ZC2HC1A: variants seen among roughly 807,000 people sequenced by gnomAD.
ZC2HC1A encodes the protein zinc finger C2HC-type containing 1A.
Under a neutral mutation model 40.7 loss-of-function variants are expected in ZC2HC1A, and 28 were observed. That is an observed-to-expected ratio of 0.69 (90% CI 0.51 to 0.94). The LOEUF (loss-of-function observed/expected upper bound fraction) is 0.94. Among genes scored for constraint, ZC2HC1A ranks in the 40% least tolerant of loss-of-function variants. ZC2HC1A has a pLI of 0.00. For synonymous variants in ZC2HC1A, 129 were observed against 129.2 expected, an observed-to-expected ratio of 1.00 and a Z score of 0.01; for missense variants, 389 against 386.3, an observed-to-expected ratio of 1.01 and a Z score of -0.06.
At chr8:78,666,281 T>TCCCGCCGCGC (rs1809294414) in intron 1 of ZC2HC1A, 117 bp downstream of exon 1, 28 of 1,474,036 alleles carry the variant, frequency 1.9e-5, no homozygotes, top group Admixed American at 8.0e-5. Context: ...CCTCGCCGCG[T>TCCCGCCGCGC]CCCGCCGCGC....
At chr8:78,698,544 G>A in intron 7 of ZC2HC1A, 31 bp downstream of exon 7, 1 of 1,442,418 alleles carries the variant, frequency 6.9e-7, no homozygotes, top group Middle Eastern at 1.8e-4. Context: ...ATTATTAGTG[G>A]TATATAATTA....
At chr8:78,682,723 A>C (rs1809829060) in intron 3 of ZC2HC1A, among the ~76,000 whole-genome samples, 1 of 152,150 alleles carries the variant, frequency 6.6e-6, no homozygotes, top group African/African-American at 2.4e-5. Flanking sequence ...CCTTCCCAAC[A>C]GTCCCCCAAA....
At chr8:78,702,999 C>T (rs544941792) in intron 7 of ZC2HC1A, among the ~76,000 whole-genome samples, 5 of 152,156 alleles carry the variant, frequency 3.3e-5, no homozygotes, top group Non-Finnish European at 5.9e-5. Context: ...TGGGTTCAAG[C>T]GATTCTCCTG....
rs1446536163 is a variant in ZC2HC1A, at chr8:78,715,275, C to G, written c.759C>G (p.Ala253=). The G allele has an allele frequency of 6.2e-7, 1 of 1,613,758 alleles. No individual in the cohort carries two copies. The highest frequency in any genetic ancestry group is 8.5e-7 in the Non-Finnish European group (1 of 1,179,880). Reference sequence around the variant, plus strand: ...CACCTAGTTTGGCAAGAAATCCTGCCCCAGGTGTGCTTACAAACAAAAGAA... The same window carrying G: ...CACCTAGTTTGGCAAGAAATCCTGCGCCAGGTGTGCTTACAAACAAAAGAA... The part of the protein sequence containing the change: ...STPPSLARNP[A]PGVLTNKRKT... The change falls in exon 8 of 9, where the codon GCC becomes GCG. Residue 253 remains alanine, a synonymous_variant. Coordinates refer to ENST00000263849, the MANE Select transcript of ZC2HC1A (RefSeq NM_016010.3).
At chr8:78,715,971 C>T (rs1280275323) in intron 8 of ZC2HC1A, among the ~76,000 whole-genome samples, 3 of 139,364 alleles carry the variant, frequency 2.2e-5, no homozygotes, top group African/African-American at 8.1e-5. Context: ...ACCTGGGAGG[C>T]AGAGGTTGGA....
intron 7 of ZC2HC1A, among the ~76,000 whole-genome samples, chr8:78,709,745 T>C (rs1204843998): frequency 6.6e-6 from 1 of 151,692 alleles, no homozygotes; most frequent in Non-Finnish European, 1.5e-5. Context: ...AATTTCATAA[T>C]GTTTTAAGAA....
At chr8:78,714,680 T>G (rs955094382) in intron 7 of ZC2HC1A, among the ~76,000 whole-genome samples, 1 of 152,230 alleles carries the variant, frequency 6.6e-6, no homozygotes, top group Non-Finnish European at 1.5e-5. Context: ...TGATTTCGGA[T>G]AGCCCAGGCT....
chr8:78,689,726 G>C (rs1437409108), intron 5 of ZC2HC1A, among the ~76,000 whole-genome samples: 2 of 152,008 alleles, frequency 1.3e-5, no homozygotes, highest in Admixed American at 1.3e-4. Context: ...TTTCTCAGAT[G>C]TATATTAAGA....
At position 78,719,661 on chromosome 8, in the gene ZC2HC1A, A is replaced by G. The variant is rs1247502172; in HGVS notation, c.*2168A>G. On this transcript the variant is annotated 3_prime_UTR_variant, in exon 9 of 9. Coordinates refer to ENST00000263849, the MANE Select transcript of ZC2HC1A (RefSeq NM_016010.3). ...TCTGAATTGTGTTAGGTTGAAAAAG[A>G]TGATTGTGGTGACTATTATTTCTTG... 1.3e-5 allele frequency: 2 copies of G among 151,738 alleles called. No homozygotes were observed. Among genetic ancestry groups the G allele is most frequent in the South Asian group, 4.1e-4 (2 of 4,836 alleles). The allele number at this position is 151,738 out of a possible 1,614,324, so 9.4% of individuals were successfully genotyped here.
At chr8:78,674,151 G>A (rs944179237) in intron 1 of ZC2HC1A, among the ~76,000 whole-genome samples, 31 of 152,188 alleles carry the variant, frequency 2.0e-4, no homozygotes, top group African/African-American at 7.5e-4. Flanking sequence ...AGCAATAATT[G>A]TGTTATTCTG....
In ZC2HC1A at chr8:78,718,729, T is replaced by C. The variant is rs1811178668; in HGVS notation, c.*1236T>C. On this transcript the variant is annotated 3_prime_UTR_variant, in exon 9 of 9. Coordinates refer to ENST00000263849, the MANE Select transcript of ZC2HC1A (RefSeq NM_016010.3). ...CTGATCACGACACAGCTCTTAATCATTGTCACTTTCAGTATATCATAGTAG... is the reference window on the plus strand; with the variant it reads ...CTGATCACGACACAGCTCTTAATCACTGTCACTTTCAGTATATCATAGTAG... The C allele has an allele frequency of 6.6e-6, 1 of 151,878 alleles. No homozygotes were observed. Among genetic ancestry groups the C allele is most frequent in the East Asian group, 1.9e-4 (1 of 5,206 alleles). 9.4% of individuals were successfully genotyped at this position (151,878 alleles called of 1,614,324 possible).
chr8:78,702,041 A>G (rs1810622833), intron 7 of ZC2HC1A, among the ~76,000 whole-genome samples: 1 of 152,146 alleles, frequency 6.6e-6, no homozygotes. Flanking sequence ...TAATATCAGT[A>G]GGAATTGTAC....
chr8:78,708,171 C>T (rs1196925926), intron 7 of ZC2HC1A, among the ~76,000 whole-genome samples: 2 of 152,074 alleles, frequency 1.3e-5, no homozygotes, highest in African/African-American at 4.8e-5. Flanking sequence ...GACATTTGGT[C>T]AGGTGTAATG....
At chr8:78,691,464 TTATA>T (rs1358964665) in intron 5 of ZC2HC1A, among the ~76,000 whole-genome samples, 1 of 152,126 alleles carries the variant, frequency 6.6e-6, no homozygotes, top group African/African-American at 2.4e-5. Flanking sequence ...TCTCTATTCC[TTATA>T]TATGTGTTTT....
chr8:78,676,588 G>C (rs1376220325), intron 2 of ZC2HC1A, among the ~76,000 whole-genome samples: 3 of 151,908 alleles, frequency 2.0e-5, no homozygotes, highest in Non-Finnish European at 4.4e-5. Context: ...ATGTATATCT[G>C]CTGATTAAAG....
At chr8:78,669,878 A>G (rs536270311) in intron 1 of ZC2HC1A, among the ~76,000 whole-genome samples, 79 of 151,764 alleles carry the variant, frequency 5.2e-4, no homozygotes, top group African/African-American at 1.7e-3. Context: ...TTATACTCCT[A>G]CCTCCTAGAA....
chr8:78,680,800 C>T (rs1360724402), intron 3 of ZC2HC1A, among the ~76,000 whole-genome samples: 1 of 152,138 alleles, frequency 6.6e-6, no homozygotes, highest in Non-Finnish European at 1.5e-5. Flanking sequence ...GGGGTTTCCT[C>T]ATCTTAAAAG....
intron 5 of ZC2HC1A, among the ~76,000 whole-genome samples, chr8:78,691,185 G>A (rs1464596846): frequency 6.6e-6 from 1 of 152,120 alleles, no homozygotes; most frequent in Non-Finnish European, 1.5e-5. Flanking sequence ...TCACCATTGT[G>A]TATGATGTTC....
intron 3 of ZC2HC1A, 139 bp from the exon 4 acceptor site, chr8:78,686,328 A>C: frequency 1.4e-6 from 1 of 729,662 alleles, no homozygotes; most frequent in Non-Finnish European, 1.9e-6. Context: ...TTAAAATTAT[A>C]AATTTGAGAA....
Sources: gnomAD v4.1 joint callset for allele counts (sites outside exome capture counted in the v4.1 genomes callset) on GRCh38, gnomAD v4.1.1 for gene constraint, MANE v1.5 for transcripts, NCBI Gene and HGNC (gene_info 2026-07-23, HGNC 2026-07-21) for gene names.